The following FBXO17 variants were observed in gnomAD, a reference collection of about 807,000 sequenced individuals.
FBXO17 encodes F-box only protein 17.
In FBXO17, 43 loss-of-function variants were observed where a neutral mutation model predicts 34.1. The ratio of observed to expected loss-of-function variants is 1.26; its 90% confidence interval spans 0.99 to 1.62. FBXO17 has a LOEUF of 1.62. Among genes scored for constraint, FBXO17 ranks in the 40% most tolerant of loss-of-function variants. The pLI is 0.00. For missense variants in FBXO17, 424 were observed against 386.7 expected, an observed-to-expected ratio of 1.10 and a Z score of -0.81; for synonymous variants, 169 against 166.0, an observed-to-expected ratio of 1.02 and a Z score of -0.14.
intron 1 of FBXO17, among the ~76,000 whole-genome samples, chr19:38,965,738 C>T (rs1308428047): frequency 1.3e-5 from 2 of 152,104 alleles, no homozygotes; most frequent in African/African-American, 4.8e-5. Context: ...AACTCCTGAC[C>T]TCAGGTGATC....
At chr19:38,954,564 C>T (rs1007841550) in intron 1 of FBXO17, among the ~76,000 whole-genome samples, 1 of 144,324 alleles carries the variant, frequency 6.9e-6, no homozygotes, top group South Asian at 2.2e-4. Context: ...GCCACTGCGC[C>T]GGGCCGAGAA....
At chr19:38,964,274 C>T (rs1450381453) in intron 1 of FBXO17, among the ~76,000 whole-genome samples, 1 of 152,168 alleles carries the variant, frequency 6.6e-6, no homozygotes, top group East Asian at 1.9e-4. Flanking sequence ...AAAAAGTTTA[C>T]ACAGAATGGT....
At position 38,975,348 on chromosome 19, in the gene FBXO17, C is replaced by T. The variant is rs1947331373; in HGVS notation, c.-18+238G>A. ...GGCGTTCGAACACCCACGTTCAAAG[C>T]AAAGCCCTTCCAGATTTAGGGCTTT... On this transcript the variant is annotated intron_variant, in intron 1 of 5. Coordinates refer to ENST00000292852, the MANE Select transcript of FBXO17 (RefSeq NM_024907.7). The surrounding 1 kb of genome is among the most constrained non-coding windows in gnomAD (Gnocchi z 4.9). 1.3e-5 allele frequency among the ~76,000 whole-genome samples: 2 copies of T among 152,232 alleles called. No individual in the cohort carries two copies. The highest frequency in any genetic ancestry group is 2.9e-5 in the Non-Finnish European group (2 of 68,042).
intron 1 of FBXO17, among the ~76,000 whole-genome samples, chr19:38,971,096 T>C (rs1447247842): frequency 1.5e-5 from 1 of 66,638 alleles, no homozygotes; most frequent in Non-Finnish European, 2.7e-5. Flanking sequence ...AGAGTCCATC[T>C]CAAAAAAAAA....
chr19:38,963,853 G>A (rs904898996), intron 1 of FBXO17, among the ~76,000 whole-genome samples: 57 of 150,484 alleles, frequency 3.8e-4, no homozygotes, highest in African/African-American at 1.3e-3. Context: ...GTGCAATCTC[G>A]GCTCACTGCA....
intron 5 of FBXO17, 137 bp from the exon 6 acceptor site, chr19:38,942,888 G>A (rs1456155387): frequency 1.6e-5 from 17 of 1,071,102 alleles, no homozygotes; most frequent in Admixed American, 3.7e-5. Flanking sequence ...GAATAAAACC[G>A]GAAAAGGACC....
intron 1 of FBXO17, among the ~76,000 whole-genome samples, chr19:38,973,562 A>T (rs1009134728): frequency 6.6e-6 from 1 of 152,030 alleles, no homozygotes; most frequent in Non-Finnish European, 1.5e-5. Flanking sequence ...AAGAGATTAC[A>T]TACTTTTATT....
chr19:38,942,870 G>A (rs758685610), intron 5 of FBXO17, 119 bp from the exon 6 acceptor site: 139 of 1,257,320 alleles, frequency 1.1e-4, no homozygotes, highest in Non-Finnish European at 1.4e-4. Flanking sequence ...TGCTGGGGAC[G>A]GAGCAGTGAA....
intron 1 of FBXO17, among the ~76,000 whole-genome samples, chr19:38,964,898 C>T (rs1975300030): frequency 1.3e-5 from 2 of 152,114 alleles, no homozygotes; most frequent in African/African-American, 2.4e-5. Context: ...TGTTTTTGTC[C>T]CTGCTAACAT....
chr19:38,964,056 T>G (rs1203494971), intron 1 of FBXO17, among the ~76,000 whole-genome samples: 1 of 152,150 alleles, frequency 6.6e-6, no homozygotes, highest in Non-Finnish European at 1.5e-5. Context: ...AGTGCTGGGA[T>G]TGTAAGAGTG....
chr19:38,942,681 A>T lies in FBXO17; in HGVS notation c.764T>A (p.Val255Glu), dbSNP rs1974908703. Residue 255 changes from valine (V) to glutamate (E), a missense_variant, in exon 6 of 6, where the codon GTG becomes GAG. Physicochemically the swap from Val to Glu is moderately radical, Grantham distance 121. Coordinates refer to ENST00000292852, the MANE Select transcript of FBXO17 (RefSeq NM_024907.7). ...GCCATAGTGCCCCACCCAGGAACTC[A>T]CGTCTCTCCCGTACTGCTCAAAAGA... ...YVSFEQYGRDVSSWVGHYGAL... is the reference protein window; with the variant it reads ...YVSFEQYGRDESSWVGHYGAL... The T allele has an allele frequency of 3.1e-6, 5 of 1,603,170 alleles. No individual in the cohort carries two copies. Among genetic ancestry groups the T allele is most frequent in the Non-Finnish European group, 4.3e-6 (5 of 1,175,946 alleles).
chr19:38,957,142 C>T (rs763109740), intron 1 of FBXO17, among the ~76,000 whole-genome samples: 19 of 150,640 alleles, frequency 1.3e-4, no homozygotes, highest in Middle Eastern at 3.5e-3. Context: ...CGCTTGAACC[C>T]GCGAGGTGGA....
At chr19:38,963,182 G>A (rs566609730) in intron 1 of FBXO17, among the ~76,000 whole-genome samples, 1 of 152,090 alleles carries the variant, frequency 6.6e-6, no homozygotes, top group Non-Finnish European at 1.5e-5. Flanking sequence ...TCCTTGTGAA[G>A]AAGTCATCTG....
At chr19:38,951,138 G>T (rs950391202) in intron 1 of FBXO17, among the ~76,000 whole-genome samples, 2 of 152,060 alleles carry the variant, frequency 1.3e-5, no homozygotes, top group Non-Finnish European at 2.9e-5. Flanking sequence ...CAAGGACAAA[G>T]AAGTCATCAA....
intron 1 of FBXO17, among the ~76,000 whole-genome samples, chr19:38,973,156 C>T (rs1250592908): frequency 1.3e-5 from 2 of 152,104 alleles, no homozygotes; most frequent in Non-Finnish European, 1.5e-5. Context: ...GGGTGGATCA[C>T]GAGGTCAGGA....
rs1600190231 is a variant in FBXO17, at chr19:38,948,595, A to G, written c.433T>C (p.Ser145Pro). The G allele has an allele frequency of 6.2e-7, 1 of 1,614,152 alleles. No homozygotes were observed. Among genetic ancestry groups the G allele is most frequent in the South Asian group, 1.1e-5 (1 of 91,076 alleles). ...KNLTPVPGAP[S>P]QTCFVTSFEW... ...AAAGAGGTCACGAAGCAGGTCTGCG[A>G]AGGAGCCCCAGGCACCGGTGTTAGG... The change falls in exon 3 of 6, where the codon TCG (serine) becomes CCG (proline). Residue 145 changes from serine (S) to proline (P), a missense_variant. Ser to Pro is a moderately conservative substitution (Grantham distance 74). Transcript: ENST00000292852.
At chr19:38,973,233 G>A (rs187783146) in intron 1 of FBXO17, among the ~76,000 whole-genome samples, 47 of 152,308 alleles carry the variant, frequency 3.1e-4, no homozygotes, top group African/African-American at 9.6e-4. Flanking sequence ...AAATTAGCCA[G>A]GCGTGGTGGC....
rs1394670207 is a variant in FBXO17, at chr19:38,950,067, T to C, written c.253A>G (p.Asn85Asp). 2 of 1,569,300 alleles carry C rather than the reference T, an allele frequency of 1.3e-6. No homozygotes were observed. Among genetic ancestry groups the C allele is most frequent in the Non-Finnish European group, 1.7e-6 (2 of 1,158,712 alleles). Residue 85 changes from asparagine to aspartate, a missense_variant, in exon 2 of 6, where the codon AAC becomes GAC. Transcript: ENST00000292852. ...AGCGGGAACTCCTCCTTGTCTTCGT[T>C]GCTGGGCAGGCAGCGTTGAGCCACT... is the stretch of plus-strand genomic sequence containing the variant. ...YAVAQRCLPSNEDKEEFPLCA... is the reference protein window; with the variant it reads ...YAVAQRCLPSDEDKEEFPLCA...
intron 5 of FBXO17, among the ~76,000 whole-genome samples, chr19:38,943,502 T>C (rs1974925552): frequency 6.6e-6 from 1 of 152,130 alleles, no homozygotes; most frequent in Non-Finnish European, 1.5e-5. Flanking sequence ...CTTGAACTCC[T>C]GACCTCAGGT....
Sources: gnomAD v4.1 joint callset for allele counts (sites outside exome capture counted in the v4.1 genomes callset) on GRCh38, gnomAD v4.1.1 for gene constraint, Gnocchi (gnomAD v3.1) non-coding constraint, MANE v1.5 for transcripts, NCBI Gene and HGNC (gene_info 2026-07-23, HGNC 2026-07-21) for gene names.